The following HTR4 variants were observed in gnomAD, a reference collection of about 807,000 sequenced individuals.
HTR4 encodes the protein 5-hydroxytryptamine receptor 4.
HTR4 carries 16 observed loss-of-function variants against 36.8 expected under a neutral mutation model. The ratio of observed to expected loss-of-function variants is 0.43; its 90% CI spans 0.29 to 0.66. The LOEUF is 0.66. Among genes scored for constraint, HTR4 ranks in the 30% least tolerant of loss-of-function variants. The pLI is 0.13. For synonymous variants in HTR4, 189 were observed against 185.1 expected (o/e 1.02, Z -0.17); for missense variants, 438 against 490.9 (o/e 0.89, Z 1.02).
At chr5:148,484,805 C>G (rs962561344) in intron 6 of HTR4, among the ~76,000 whole-genome samples, 2 of 152,152 alleles carry the variant, frequency 1.3e-5, no homozygotes, top group Non-Finnish European at 2.9e-5. Context: ...TTGATTCATC[C>G]TTGGTTATAT....
intron 5 of HTR4, among the ~76,000 whole-genome samples, chr5:148,515,303 T>C (rs572759430): frequency 6.6e-4 from 100 of 152,284 alleles, no homozygotes; most frequent in African/African-American, 2.3e-3. Flanking sequence ...CTGCCTTTTA[T>C]GCTATTGTTT....
At chr5:148,520,304 G>T (rs183399278) in intron 5 of HTR4, among the ~76,000 whole-genome samples, 231 of 152,186 alleles carry the variant, frequency 1.5e-3, no homozygotes, top group African/African-American at 5.4e-3. Context: ...GTGAATTAGG[G>T]TCCATTTTAA....
chr5:148,540,456 A>G lies in HTR4; in HGVS notation c.353+8212T>C, dbSNP rs1365644332. Among the ~76,000 whole-genome samples, 3 of 137,040 alleles carry G rather than the reference A, an allele frequency of 2.2e-5. No homozygotes were observed. In the Admixed American group the frequency reaches 2.2e-4, roughly 10 times the overall value. 89.9% of individuals were successfully genotyped at this position (137,040 alleles called of 152,430 possible). ...TATATATATATATATATAATCTTATATATAATTTTTATAAAATAAAAATTT... is the reference window on the plus strand; with the variant it reads ...TATATATATATATATATAATCTTATGTATAATTTTTATAAAATAAAAATTT... On this transcript the variant is annotated intron_variant, in intron 4 of 6. Transcript: ENST00000377888.
At chr5:148,634,171 C>G (rs1464188791) in intron 2 of HTR4, among the ~76,000 whole-genome samples, 1 of 152,150 alleles carries the variant, frequency 6.6e-6, no homozygotes, top group African/African-American at 2.4e-5. Context: ...TGGAGCCCCT[C>G]AATTCTAGAG....
chr5:148,506,520 A>G (rs1757224075), intron 6 of HTR4, among the ~76,000 whole-genome samples: 1 of 152,222 alleles, frequency 6.6e-6, no homozygotes, highest in Non-Finnish European at 1.5e-5. Flanking sequence ...AAAATTGACA[A>G]ATGGGATCTA....
At position 148,509,504 on chromosome 5, in the gene HTR4, G is replaced by A. The variant is rs762343792; in HGVS notation, c.1028C>T (p.Thr343Ile). ...AATGGTTGTGGTTGAACAAGGGACA[G>A]TCTGGCCCAGAATGGAAGGTCTTCG... ...RYRRPSILGQ[T>I]VPCSTTTING... Residue 343 changes from threonine (T) to isoleucine (I), a missense_variant, in exon 6 of 7, where the codon ACT (threonine) becomes ATT (isoleucine). Physicochemically the swap from Thr to Ile is moderately conservative, Grantham distance 89 (BLOSUM62 -1). Transcript: ENST00000377888. 9 of 1,613,698 alleles carry A rather than the reference G, an allele frequency of 5.6e-6. No homozygotes were observed. In the East Asian group the frequency reaches 1.6e-4, roughly 28 times the overall value.
chr5:148,498,960 G>A (rs1406605931), intron 6 of HTR4, among the ~76,000 whole-genome samples: 1 of 152,084 alleles, frequency 6.6e-6, no homozygotes, highest in Non-Finnish European at 1.5e-5. Context: ...TGAACAAAAT[G>A]GTAGAGTTGA....
At position 148,483,010 on chromosome 5, in the gene HTR4, A is replaced by G. The variant is rs202228578; in HGVS notation, c.*193T>C. 3 of 1,438,066 alleles carry G rather than the reference A, an allele frequency of 2.1e-6. No homozygotes were observed. The highest frequency in any genetic ancestry group is 2.9e-5 in the Admixed American group (1 of 34,980). The allele number at this position is 1,438,066 out of a possible 1,614,324, so 89.1% of individuals were successfully genotyped here. A position where few individuals can be genotyped will look rare whatever the true frequency, so the allele number is the denominator to read the frequency against. On this transcript the variant is annotated 3_prime_UTR_variant, in exon 7 of 7. Transcript: ENST00000377888. ...ATAAAAAGTGAACAAGGAGGCCATTATGTCCCCTGACTCCCTCCAGCGCCA... is the reference window on the plus strand; with the variant it reads ...ATAAAAAGTGAACAAGGAGGCCATTGTGTCCCCTGACTCCCTCCAGCGCCA...
At chr5:148,468,036 T>C (rs1426938906) in intron 5 of HTR4, among the ~76,000 whole-genome samples, 1 of 152,200 alleles carries the variant, frequency 6.6e-6, no homozygotes, top group Non-Finnish European at 1.5e-5. Flanking sequence ...AGTTTGGATA[T>C]GTTTGGTACA....
intron 4 of HTR4, among the ~76,000 whole-genome samples, chr5:148,533,884 T>G (rs1471361831): frequency 6.6e-6 from 1 of 151,930 alleles, no homozygotes; most frequent in Non-Finnish European, 1.5e-5. Flanking sequence ...TACATATTAT[T>G]ATAAACAGAC....
At chr5:148,627,297 G>T (rs372426769) in intron 2 of HTR4, among the ~76,000 whole-genome samples, 7 of 152,132 alleles carry the variant, frequency 4.6e-5, no homozygotes, top group African/African-American at 1.7e-4. Context: ...CAGTGCCTCT[G>T]TATTTTCTAT....
chr5:148,617,476 T>C (rs1752744823), intron 2 of HTR4, among the ~76,000 whole-genome samples: 1 of 85,244 alleles, frequency 1.2e-5, no homozygotes, highest in Admixed American at 1.1e-4. Flanking sequence ...TTGTTTTTTT[T>C]TGTTTTTTTT....
intron 2 of HTR4, among the ~76,000 whole-genome samples, chr5:148,595,736 C>T (rs963817055): frequency 3.9e-5 from 6 of 151,950 alleles, no homozygotes; most frequent in African/African-American, 1.5e-4. Context: ...TCAATTTATC[C>T]TTTCCTTTTT....
chr5:148,635,139 A>G (rs1017884127), intron 2 of HTR4, among the ~76,000 whole-genome samples: 1 of 152,210 alleles, frequency 6.6e-6, no homozygotes, highest in African/African-American at 2.4e-5. Context: ...GTGGCAAAAT[A>G]TTATTACTCA....
chr5:148,601,635 T>C (rs1761999383), intron 2 of HTR4, among the ~76,000 whole-genome samples: 1 of 151,982 alleles, frequency 6.6e-6, no homozygotes, highest in Non-Finnish European at 1.5e-5. Context: ...ACCTTCTCTT[T>C]GCTAAAAACA....
intron 6 of HTR4, among the ~76,000 whole-genome samples, chr5:148,507,189 C>A (rs1036589641): frequency 1.3e-5 from 2 of 151,806 alleles, no homozygotes; most frequent in Non-Finnish European, 2.9e-5. Context: ...GAATACTATG[C>A]AGCCATAAAA....
At chr5:148,517,252 T>C (rs1430480722) in intron 5 of HTR4, among the ~76,000 whole-genome samples, 1 of 152,184 alleles carries the variant, frequency 6.6e-6, no homozygotes, top group Non-Finnish European at 1.5e-5. Context: ...TCCTTCCAAC[T>C]GTCCTTTACT....
chr5:148,558,833 C>T (rs1760068336), intron 2 of HTR4, among the ~76,000 whole-genome samples: 1 of 152,166 alleles, frequency 6.6e-6, no homozygotes, highest in Non-Finnish European at 1.5e-5. Context: ...TCTTTACCTG[C>T]TTAACTTCAT....
At position 148,637,056 on chromosome 5, in the gene HTR4, AG is replaced by A. The variant is rs770649075; in HGVS notation, c.-43del. The A allele has an allele frequency of 1.4e-4, 221 of 1,604,520 alleles. 5 individuals are homozygous for A. In the Middle Eastern group the frequency reaches 0.01, roughly 73 times the overall value. On this transcript the variant is annotated 5_prime_UTR_variant, in exon 2 of 7. Transcript: ENST00000377888. ...GAGTGAGTTGGATTTCAATGCCCAC[AG>A]GGTCCTAAAATGGGGGAAGTAAAAA...
Sources: gnomAD v4.1 joint callset for allele counts (sites outside exome capture counted in the v4.1 genomes callset) on GRCh38, gnomAD v4.1.1 for gene constraint, MANE v1.5 for transcripts, NCBI Gene and HGNC (gene_info 2026-07-23, HGNC 2026-07-21) for gene names.